The following SYCP2 variants were observed in gnomAD, a reference collection of about 807,000 sequenced individuals.
SYCP2 encodes the protein synaptonemal complex protein 2, also known as synaptonemal complex lateral element protein.
SYCP2 carries 55 observed loss-of-function variants against 211.3 expected under a neutral mutation model. That is an observed-to-expected ratio of 0.26 (90% CI 0.21 to 0.33). SYCP2 has a LOEUF of 0.33. Among genes scored for constraint, SYCP2 ranks in the 10% least tolerant of loss-of-function variants. SYCP2 has a pLI of 1.00. For missense variants in SYCP2, 1,731 were observed against 1,752.0 expected, an observed-to-expected ratio of 0.99 and a Z score of 0.21; for synonymous variants, 570 against 555.2, an observed-to-expected ratio of 1.03 and a Z score of -0.37.
At chr20:59,921,059 G>A (rs1009517618) in intron 4 of SYCP2, among the ~76,000 whole-genome samples, 3 of 151,348 alleles carry the variant, frequency 2.0e-5, no homozygotes, top group African/African-American at 4.8e-5. Context: ...CCCAGTTTCA[G>A]CCACAGTTAA....
intron 35 of SYCP2, among the ~76,000 whole-genome samples, chr20:59,872,763 C>A (rs1156896982): frequency 6.6e-6 from 1 of 151,996 alleles, no homozygotes; most frequent in Non-Finnish European, 1.5e-5. Flanking sequence ...GAACTACACA[C>A]ATTTTCTAGA....
chr20:59,914,689 A>G (rs2060401125), intron 10 of SYCP2, among the ~76,000 whole-genome samples: 1 of 151,964 alleles, frequency 6.6e-6, no homozygotes, highest in Non-Finnish European at 1.5e-5. Context: ...AAAAGCTTAG[A>G]AAATAAATTT....
intron 19 of SYCP2, among the ~76,000 whole-genome samples, 157 bp from the exon 20 acceptor site, chr20:59,895,754 A>G (rs1173843485): frequency 2.0e-5 from 3 of 152,082 alleles, no homozygotes; most frequent in Non-Finnish European, 2.9e-5. Context: ...ATCTACCAAG[A>G]TAATAAGTGA....
chr20:59,865,195 G>T (rs1482510968), intron 44 of SYCP2, among the ~76,000 whole-genome samples, 193 bp downstream of exon 44: 3 of 151,588 alleles, frequency 2.0e-5, no homozygotes, highest in African/African-American at 7.3e-5. Context: ...TCCTTAGGAG[G>T]GCCTGTTTAA....
chr20:59,880,083 AATG>A (rs1162168315), intron 31 of SYCP2, among the ~76,000 whole-genome samples: 4 of 151,230 alleles, frequency 2.6e-5, no homozygotes, highest in Non-Finnish European at 3.0e-5. Context: ...AGCCAAGGAT[AATG>A]ATAAGTCATA....
chr20:59,870,296 G>A (rs2059425510), intron 35 of SYCP2, among the ~76,000 whole-genome samples: 1 of 151,718 alleles, frequency 6.6e-6, no homozygotes. Context: ...ATGTGTAACA[G>A]TTTATATGGC....
At chr20:59,929,252 C>G (rs1203962448) in intron 2 of SYCP2, among the ~76,000 whole-genome samples, 1 of 152,114 alleles carries the variant, frequency 6.6e-6, no homozygotes, top group Non-Finnish European at 1.5e-5. Context: ...GAGACTGATA[C>G]TACGAAGTCA....
At chr20:59,923,723 A>C (rs1363691761) in intron 2 of SYCP2, among the ~76,000 whole-genome samples, 1 of 151,828 alleles carries the variant, frequency 6.6e-6, no homozygotes, top group Non-Finnish European at 1.5e-5. Flanking sequence ...AAAAGAATGC[A>C]TGTCATCATT....
At chr20:59,866,436 T>C (rs1208787434) in intron 40 of SYCP2, 44 bp from the exon 41 acceptor site, 1 of 1,561,738 alleles carries the variant, frequency 6.4e-7, no homozygotes, top group Admixed American at 1.8e-5. Context: ...AACTGTAGCA[T>C]TCAGAATATA....
At chr20:59,890,540 A>T (rs1006436686) in intron 24 of SYCP2, among the ~76,000 whole-genome samples, 2 of 152,032 alleles carry the variant, frequency 1.3e-5, no homozygotes, top group Non-Finnish European at 2.9e-5. Context: ...CAGAACTTAA[A>T]GTATAATAAA....
chr20:59,878,062 T>C lies in SYCP2; in HGVS notation c.2942-17A>G. On this transcript the variant is annotated splice_polypyrimidine_tract_variant and intron_variant, in intron 31 of 44. Transcript: ENST00000357552. ...AGGATGATCCTGTAATTCAGAAAAA[T>C]AAGGTTAAATTTTCACAGTAAATAA... is the stretch of plus-strand genomic sequence containing the variant. The C allele has an allele frequency of 1.3e-6, 2 of 1,577,114 alleles. No individual in the cohort carries two copies. Among genetic ancestry groups the C allele is most frequent in the East Asian group, 2.3e-5 (1 of 43,994 alleles).
Position 59,864,111 on chromosome 20 carries a change from A to C in SYCP2, c.*200T>G, listed in dbSNP as rs1350695935. 2 of 369,956 alleles carry C rather than the reference A, an allele frequency of 5.4e-6. No homozygotes were observed. Among genetic ancestry groups the C allele is most frequent in the East Asian group, 8.3e-5 (2 of 24,162 alleles). The allele number at this position is 369,956 out of a possible 1,614,324, so 22.9% of individuals were successfully genotyped here. A position where few individuals can be genotyped will look rare whatever the true frequency, so the allele number is the denominator to read the frequency against. On this transcript the variant is annotated 3_prime_UTR_variant, in exon 45 of 45. Transcript: ENST00000357552. ...TTAAAAAAAAATATTGTATAGACAGAAGTCTTCTGGGCTTGGACTCATGTT... is the reference window on the plus strand; with the variant it reads ...TTAAAAAAAAATATTGTATAGACAGCAGTCTTCTGGGCTTGGACTCATGTT...
At position 59,866,328 on chromosome 20, in the gene SYCP2, A is replaced by G; in HGVS notation, c.4285T>C (p.Ser1429Pro). 1 of 1,597,456 alleles carries G rather than the reference A, an allele frequency of 6.3e-7. No individual in the cohort carries two copies. Among genetic ancestry groups the G allele is most frequent in the Non-Finnish European group, 8.5e-7 (1 of 1,173,566 alleles). The part of the protein sequence containing the change: ...IEELENFEKD[S>P]QSLKDLEKEF... ...TTTTCCAAATCTTTTAAAGACTGTGAATCTTTTTCAAAATTCTCCAGCTCC... is the reference window on the plus strand; with the variant it reads ...TTTTCCAAATCTTTTAAAGACTGTGGATCTTTTTCAAAATTCTCCAGCTCC... The change falls in exon 41 of 45, where the codon TCA becomes CCA. Residue 1429 changes from serine to proline, a missense_variant. Physicochemically the swap from Ser to Pro is moderately conservative, Grantham distance 74 (BLOSUM62 -1). Transcript: ENST00000357552.
chr20:59,867,647 T>C (rs917121913), intron 39 of SYCP2, 64 bp downstream of exon 39: 13 of 1,408,268 alleles, frequency 9.2e-6, no homozygotes, highest in African/African-American at 2.9e-5. Context: ...GCCAATGGTC[T>C]AGTAGAAAGT....
At chr20:59,928,513 T>C (rs1397291283) in intron 2 of SYCP2, among the ~76,000 whole-genome samples, 1 of 152,162 alleles carries the variant, frequency 6.6e-6, no homozygotes, top group Non-Finnish European at 1.5e-5. Flanking sequence ...GCTGCTCTAA[T>C]ACTAAAATAA....
chr20:59,927,685 T>C (rs1037585458), intron 2 of SYCP2, among the ~76,000 whole-genome samples: 2 of 152,176 alleles, frequency 1.3e-5, no homozygotes, highest in African/African-American at 4.8e-5. Flanking sequence ...TCCCTACTCC[T>C]AGCTTCCGTG....
intron 25 of SYCP2, among the ~76,000 whole-genome samples, chr20:59,886,436 C>T (rs953697845): frequency 6.6e-6 from 1 of 151,954 alleles, no homozygotes; most frequent in African/African-American, 2.4e-5. Context: ...ACAATGTCTA[C>T]ATCCTAAAGA....
At chr20:59,892,723 T>C in intron 22 of SYCP2, 22 bp from the exon 23 acceptor site, 1 of 1,594,640 alleles carries the variant, frequency 6.3e-7, no homozygotes, top group Non-Finnish European at 8.5e-7. Flanking sequence ...ATTAATTTGC[T>C]TAATGTTACA....
intron 36 of SYCP2, 127 bp downstream of exon 36, chr20:59,869,671 A>T (rs551267739): frequency 7.4e-6 from 4 of 543,216 alleles, no homozygotes; most frequent in Non-Finnish European, 1.3e-5. Flanking sequence ...TTTAAACATC[A>T]GATTTTCAGG....
Sources: allele counts gnomAD v4.1 joint callset (sites outside exome capture counted in the v4.1 genomes callset), GRCh38; gene constraint gnomAD v4.1.1; transcripts MANE v1.5; gene names NCBI Gene and HGNC (gene_info 2026-07-23, HGNC 2026-07-21).